PCDH15: variants seen among roughly 807,000 people sequenced by gnomAD.
PCDH15 encodes protocadherin-15.
Under a neutral mutation model 178.5 loss-of-function variants are expected in PCDH15, and 129 were observed. The observed-to-expected ratio is 0.72, with a 90% CI of 0.63 to 0.84. The LOEUF (loss-of-function observed/expected upper bound fraction) is 0.84, where lower values mean the gene tolerates loss of function less well. PCDH15 is among the 40% of genes least tolerant of loss of function. The pLI, the probability that PCDH15 is intolerant of heterozygous loss-of-function variation, is 0.00. For synonymous variants in PCDH15, 800 were observed against 732.0 expected (o/e 1.09, Z -1.50); for missense variants, 2,230 against 2,099.9 (o/e 1.06, Z -1.21).
intron 13 of PCDH15, among the ~76,000 whole-genome samples, chr10:54,178,840 G>A (rs1415371991): frequency 6.6e-6 from 1 of 152,138 alleles, no homozygotes; most frequent in East Asian, 1.9e-4. Flanking sequence ...CTGGCCATCA[G>A]AGAAATGCAA....
intron 29 of PCDH15, among the ~76,000 whole-genome samples, chr10:53,836,945 G>C (rs780010610): frequency 2.6e-5 from 4 of 152,074 alleles, no homozygotes; most frequent in Non-Finnish European, 5.9e-5. Context: ...TAATCTAATA[G>C]AAATGCTAGA....
At chr10:54,257,341 T>C (rs1004621552) in intron 8 of PCDH15, among the ~76,000 whole-genome samples, 3 of 151,616 alleles carry the variant, frequency 2.0e-5, no homozygotes, top group African/African-American at 4.8e-5. Context: ...TTTCACAGTT[T>C]AACATATATT....
At chr10:54,726,419 GGTGTGTGTGTGTGTGTGTGTGT>G (rs72051103) in intron 1 of PCDH15, among the ~76,000 whole-genome samples, 1 of 19,458 alleles carries the variant, frequency 5.1e-5, no homozygotes, top group African/African-American at 1.6e-4. Context: ...ACCCATCAGG[GGTGTGTGTGTGTGTGTGTGTGT>G]GTGTGTGTGT....
intron 15 of PCDH15, among the ~76,000 whole-genome samples, chr10:54,113,274 G>A (rs2095057449): frequency 6.6e-6 from 1 of 152,122 alleles, no homozygotes; most frequent in Non-Finnish European, 1.5e-5. Flanking sequence ...TTGTAGTACA[G>A]AGGCAGATAC....
chr10:54,734,167 A>G (rs1943772146), intron 1 of PCDH15, among the ~76,000 whole-genome samples: 1 of 151,934 alleles, frequency 6.6e-6, no homozygotes, highest in Admixed American at 6.6e-5. Context: ...GTATTTGTCA[A>G]TCCCCTATCT....
At chr10:54,792,704 G>T (rs2133577361) in intron 1 of PCDH15, among the ~76,000 whole-genome samples, 1 of 151,858 alleles carries the variant, frequency 6.6e-6, no homozygotes, top group Non-Finnish European at 1.5e-5. Context: ...TGCAGATCTA[G>T]GGACTTCTCA....
chr10:55,193,926 A>G (rs1840011187), intron 1 of PCDH15, among the ~76,000 whole-genome samples: 1 of 151,966 alleles, frequency 6.6e-6, no homozygotes, highest in African/African-American at 2.4e-5. Context: ...CCATAATCCA[A>G]TAATCCTGAT....
chr10:53,905,300 T>C, intron 25 of PCDH15: 1 of 498,730 alleles, frequency 2.0e-6, no homozygotes, highest in East Asian at 5.6e-5. Flanking sequence ...TTAAATCAAA[T>C]GTTAAACCAA....
chr10:54,134,901 TAC>T (rs1564503144), intron 14 of PCDH15, among the ~76,000 whole-genome samples: 1 of 151,918 alleles, frequency 6.6e-6, no homozygotes, highest in Non-Finnish European at 1.5e-5. Flanking sequence ...GCATAAAAGC[TAC>T]AGTGACTTTT....
chr10:53,943,055 T>C (rs2086207777), intron 23 of PCDH15, among the ~76,000 whole-genome samples: 1 of 152,194 alleles, frequency 6.6e-6, no homozygotes, highest in Non-Finnish European at 1.5e-5. Flanking sequence ...ATTACTTAAA[T>C]TGTTTACTTG....
chr10:55,593,495 C>G (rs1326197959), intron 2 of PCDH15, among the ~76,000 whole-genome samples: 2 of 151,712 alleles, frequency 1.3e-5, no homozygotes, highest in African/African-American at 4.8e-5. Flanking sequence ...CTTTATCTGA[C>G]AAAAGAGAGT....
intron 2 of PCDH15, among the ~76,000 whole-genome samples, chr10:54,535,507 G>A (rs546464940): frequency 4.0e-5 from 6 of 151,874 alleles, no homozygotes; most frequent in Non-Finnish European, 5.9e-5. Flanking sequence ...TCAGGAGATC[G>A]AGACCATCCT....
chr10:55,282,933 C>CT (rs1842768892), intron 1 of PCDH15, among the ~76,000 whole-genome samples: 1 of 152,124 alleles, frequency 6.6e-6, no homozygotes, highest in African/African-American at 2.4e-5. Flanking sequence ...GCCTAAGTAA[C>CT]TTTTGGAGGA....
chr10:54,764,875 G>T (rs1948322697), intron 1 of PCDH15, among the ~76,000 whole-genome samples: 1 of 152,086 alleles, frequency 6.6e-6, no homozygotes, highest in African/African-American at 2.4e-5. Context: ...GTAAGAGGAA[G>T]AATTTTTGTA....
intron 2 of PCDH15, among the ~76,000 whole-genome samples, chr10:55,462,099 T>G (rs1427220370): frequency 1.3e-5 from 2 of 152,106 alleles, no homozygotes; most frequent in Non-Finnish European, 2.9e-5. Flanking sequence ...CTCCCACAGG[T>G]CTAACCACTT....
intron 1 of PCDH15, among the ~76,000 whole-genome samples, chr10:55,281,634 T>A (rs952380200): frequency 4.6e-5 from 7 of 152,258 alleles, no homozygotes; most frequent in African/African-American, 1.7e-4. Flanking sequence ...ATCATCTATA[T>A]GACAATGACT....
chr10:54,220,387 T>C (rs1279380639), intron 9 of PCDH15, among the ~76,000 whole-genome samples: 1 of 152,146 alleles, frequency 6.6e-6, no homozygotes, highest in Admixed American at 6.5e-5. Context: ...AGTAAATGAC[T>C]AGGTCAGAAG....
chr10:54,075,632 T>C (rs543687646), intron 17 of PCDH15, among the ~76,000 whole-genome samples: 4 of 152,170 alleles, frequency 2.6e-5, no homozygotes, highest in Non-Finnish European at 5.9e-5. Context: ...TTCTATAGAC[T>C]CAGTTTTCAT....
chr10:55,570,956 G>A (rs1564459509), intron 2 of PCDH15, among the ~76,000 whole-genome samples: 1 of 151,958 alleles, frequency 6.6e-6, no homozygotes, highest in Non-Finnish European at 1.5e-5. Flanking sequence ...TATCATAAAA[G>A]CAATATCAAA....
Sources: gnomAD v4.1 joint callset for allele counts (sites outside exome capture counted in the v4.1 genomes callset) on GRCh38, gnomAD v4.1.1 for gene constraint, MANE v1.5 for transcripts, NCBI Gene and HGNC (gene_info 2026-07-23, HGNC 2026-07-21) for gene names.